NCOR2: variants seen among roughly 807,000 people sequenced by gnomAD.
NCOR2 encodes the protein CTG repeat protein 26.
A neutral mutation model predicts 262.9 loss-of-function variants in NCOR2; 81 were observed. The observed-to-expected ratio is 0.31, with a 90% confidence interval of 0.26 to 0.37. NCOR2 has a LOEUF of 0.37. NCOR2 is among the 10% of genes least tolerant of loss of function. The pLI is 1.00. For missense variants in NCOR2, 3,385 were observed against 3,621.4 expected, an observed-to-expected ratio of 0.93 and a Z score of 1.68; for synonymous variants, 1,659 against 1,559.3, an observed-to-expected ratio of 1.06 and a Z score of -1.51.
intron 13 of NCOR2, among the ~76,000 whole-genome samples, chr12:124,411,622 G>T (rs2042592107): frequency 6.6e-6 from 1 of 152,242 alleles, no homozygotes; most frequent in Admixed American, 6.5e-5. Flanking sequence ...CTGCAGTCAG[G>T]CCCCAGCATT....
intron 20 of NCOR2, among the ~76,000 whole-genome samples, chr12:124,366,446 G>A (rs567690129): frequency 6.6e-6 from 1 of 152,310 alleles, no homozygotes; most frequent in Admixed American, 6.5e-5. Context: ...GGGAGGATAG[G>A]GGTGACTAGT....
intron 1 of NCOR2, among the ~76,000 whole-genome samples, chr12:124,512,843 C>T (rs368534027): frequency 2.0e-5 from 3 of 152,206 alleles, no homozygotes; most frequent in Non-Finnish European, 2.9e-5. Flanking sequence ...GGGACTCTCA[C>T]GCCCACGCCT....
At chr12:124,349,917 C>T (rs1024688351) in intron 28 of NCOR2, among the ~76,000 whole-genome samples, 3 of 152,176 alleles carry the variant, frequency 2.0e-5, no homozygotes, top group Admixed American at 2.0e-4. Context: ...GCAGGGAGTG[C>T]ATTATGTTCC....
At chr12:124,346,969 C>T (rs758767557) in intron 30 of NCOR2, 119 bp from the exon 33 acceptor site, 7 of 1,247,876 alleles carry the variant, frequency 5.6e-6, no homozygotes, top group Admixed American at 3.5e-5. Context: ...TGCTGTGTGA[C>T]CTTGACCAGG....
intron 3 of NCOR2, among the ~76,000 whole-genome samples, chr12:124,474,529 G>C (rs1344023766): frequency 6.6e-6 from 1 of 152,102 alleles, no homozygotes; most frequent in Non-Finnish European, 1.5e-5. Context: ...AACACTCTCA[G>C]GATAAGGAGG....
At chr12:124,492,751 A>T (rs2048161043) in intron 1 of NCOR2, among the ~76,000 whole-genome samples, 1 of 152,116 alleles carries the variant, frequency 6.6e-6, no homozygotes, top group Admixed American at 6.5e-5. Context: ...GCTTCCAGGG[A>T]GGGGCCTCCA....
intron 1 of NCOR2, among the ~76,000 whole-genome samples, chr12:124,509,582 T>A (rs1401068789): frequency 6.6e-6 from 1 of 152,158 alleles, no homozygotes. Flanking sequence ...GCTAGGTCCC[T>A]TATCCATGTA....
chr12:124,431,475 G>A (rs965350642), intron 8 of NCOR2, among the ~76,000 whole-genome samples: 8 of 141,758 alleles, frequency 5.6e-5, no homozygotes. Context: ...TACACAGAGA[G>A]ACACACACAC....
In NCOR2 at chr12:124,507,324, G is replaced by A. The variant is rs183586432; in HGVS notation, c.-117-11956C>T. ...ACTACTGAATTATCTACTTACCAAT[G>A]GCTGAAGGTAAATTTCACATTATAT... On this transcript the variant is annotated intron_variant, in intron 1 of 46. Coordinates refer to the NCOR2 transcript ENST00000404621. Among the ~76,000 whole-genome samples the A allele has an allele frequency of 8.4e-4, 128 of 152,280 alleles. 1 individual carries two copies. Among genetic ancestry groups the A allele is most frequent in the Non-Finnish European group, 1.8e-4 (12 of 68,018 alleles).
chr12:124,433,867 C>CACACACACACACACACACACACAA (rs2044144500), intron 8 of NCOR2, among the ~76,000 whole-genome samples: 1 of 40,472 alleles, frequency 2.5e-5, no homozygotes, highest in Admixed American at 2.6e-4. Flanking sequence ...CACACACACA[C>CACACACACACACACACACACACAA]ACACACACAC....
intron 13 of NCOR2, among the ~76,000 whole-genome samples, chr12:124,411,550 C>T (rs1021185731): frequency 1.3e-5 from 2 of 152,226 alleles, no homozygotes; most frequent in Non-Finnish European, 2.9e-5. Flanking sequence ...GCCATATTGG[C>T]TACCAGGGGC....
chr12:124,419,623 G>C (rs959485416), intron 13 of NCOR2, among the ~76,000 whole-genome samples: 3 of 152,192 alleles, frequency 2.0e-5, no homozygotes, highest in Non-Finnish European at 4.4e-5. Flanking sequence ...CTTACTTTTG[G>C]AATGTAGCCT....
At chr12:124,393,529 G>A (rs1021069431) in intron 16 of NCOR2, among the ~76,000 whole-genome samples, 15 of 152,172 alleles carry the variant, frequency 9.9e-5, no homozygotes, top group African/African-American at 3.4e-4. Context: ...TACCTTCTGG[G>A]ATTCAACCAC....
At chr12:124,546,110 C>A (rs1392113714) in intron 1 of NCOR2, among the ~76,000 whole-genome samples, 2 of 152,190 alleles carry the variant, frequency 1.3e-5, no homozygotes, top group African/African-American at 4.8e-5. Flanking sequence ...GGGTCTGAGA[C>A]CCGGGTTCAA....
chr12:124,330,928 C>T (rs748376372), intron 43 of NCOR2, 30 bp from the exon 46 acceptor site: 2 of 1,566,184 alleles, frequency 1.3e-6, no homozygotes, highest in Non-Finnish European at 1.7e-6. Flanking sequence ...TGGGTGAGGC[C>T]CCCAGGTCTC....
At chr12:124,403,630 A>T (rs939430899) in intron 13 of NCOR2, among the ~76,000 whole-genome samples, 9 of 152,180 alleles carry the variant, frequency 5.9e-5, no homozygotes, top group Admixed American at 1.3e-4. Flanking sequence ...AATGTGTACC[A>T]GGGGCACAGT....
chr12:124,424,032 C>T (rs886757120), intron 11 of NCOR2, among the ~76,000 whole-genome samples: 2 of 152,114 alleles, frequency 1.3e-5, no homozygotes, highest in African/African-American at 2.4e-5. Context: ...GGCCAAGTTG[C>T]GGCTCACACA....
chr12:124,373,359 ACAATCATGAGGC>A (rs2039676181), intron 19 of NCOR2, among the ~76,000 whole-genome samples: 2 of 55,390 alleles, frequency 3.6e-5, no homozygotes, highest in Non-Finnish European at 4.9e-5. Context: ...GGCACAGTGG[ACAATCATGAGGC>A]CAGTGCGTGT....
At chr12:124,345,532 G>A (rs1411184912) in intron 31 of NCOR2, among the ~76,000 whole-genome samples, 5 of 152,202 alleles carry the variant, frequency 3.3e-5, no homozygotes, top group African/African-American at 1.2e-4. Context: ...AGCAGGCTTC[G>A]GAGACACTTG....
Sources: gnomAD v4.1 joint callset for allele counts (sites outside exome capture counted in the v4.1 genomes callset) on GRCh38, gnomAD v4.1.1 for gene constraint, MANE v1.5 for transcripts, NCBI Gene and HGNC (gene_info 2026-07-23, HGNC 2026-07-21) for gene names.